AKAP7: variants seen among roughly 807,000 people sequenced by gnomAD.
AKAP7 encodes the protein A kinase (PRKA) anchor protein 7.
AKAP7 carries 39 observed loss-of-function variants against 39.5 expected under a neutral mutation model. The observed-to-expected ratio is 0.99, with a 90% CI of 0.76 to 1.29. AKAP7 has a LOEUF of 1.29. Among genes scored for constraint, AKAP7 ranks in the 50% most tolerant of loss-of-function variants. The pLI, the probability that AKAP7 is intolerant of heterozygous loss-of-function variation, is 0.00. For synonymous variants in AKAP7, 140 were observed against 139.1 expected, an observed-to-expected ratio of 1.01 and a Z score of -0.05; for missense variants, 414 against 407.7, an observed-to-expected ratio of 1.02 and a Z score of -0.13.
At chr6:131,251,545 T>G (rs1221358356) in intron 7 of AKAP7, among the ~76,000 whole-genome samples, 1 of 148,022 alleles carries the variant, frequency 6.8e-6, no homozygotes, top group Non-Finnish European at 1.5e-5. Context: ...TGCTTGTTCT[T>G]CAGGAAACTA....
At chr6:131,240,294 G>A (rs539199848) in intron 7 of AKAP7, among the ~76,000 whole-genome samples, 3 of 152,348 alleles carry the variant, frequency 2.0e-5, no homozygotes, top group Admixed American at 6.5e-5. Context: ...GTACCCGGCC[G>A]TGTGAGGTGT....
chr6:131,244,299 C>G (rs1811826826), intron 7 of AKAP7, among the ~76,000 whole-genome samples: 1 of 152,188 alleles, frequency 6.6e-6, no homozygotes, highest in African/African-American at 2.4e-5. Flanking sequence ...GGCCCTGGCT[C>G]TCTCACCTAC....
intron 7 of AKAP7, among the ~76,000 whole-genome samples, chr6:131,279,711 T>C (rs116670750): frequency 5.1e-4 from 77 of 152,316 alleles, no homozygotes; most frequent in African/African-American, 1.8e-3. Context: ...AATTCAACCC[T>C]GTCATCTTGC....
At chr6:131,179,217 AG>A (rs1804876197) in intron 5 of AKAP7, among the ~76,000 whole-genome samples, 2 of 151,902 alleles carry the variant, frequency 1.3e-5, no homozygotes, top group African/African-American at 4.8e-5. Context: ...CCTGTTGCCC[AG>A]GCTGGAGTGC....
At chr6:131,244,166 T>C (rs1483417230) in intron 7 of AKAP7, among the ~76,000 whole-genome samples, 4 of 152,124 alleles carry the variant, frequency 2.6e-5, no homozygotes, top group Non-Finnish European at 4.4e-5. Flanking sequence ...TTATTGGCCT[T>C]TGTTCTCCTG....
At chr6:131,139,852 T>C (rs1800880037) in intron 1 of AKAP7, among the ~76,000 whole-genome samples, 2 of 152,194 alleles carry the variant, frequency 1.3e-5, no homozygotes, top group Non-Finnish European at 2.9e-5. Context: ...CCTGGTTTGG[T>C]GAATTGTATG....
At chr6:131,134,762 C>T (rs534486421), upstream of AKAP7, among the ~76,000 whole-genome samples, 6 of 152,316 alleles carry the variant, frequency 3.9e-5, no homozygotes, top group Admixed American at 6.5e-5. Context: ...TCTTCCATCC[C>T]TATTCTACGA....
chr6:131,138,591 C>T (rs1405867337), intron 1 of AKAP7, among the ~76,000 whole-genome samples: 1 of 152,184 alleles, frequency 6.6e-6, no homozygotes, highest in Non-Finnish European at 1.5e-5. Flanking sequence ...AGGATTGCCT[C>T]CGTTTACATT....
chr6:131,174,106 A>G (rs1804344279), intron 5 of AKAP7, among the ~76,000 whole-genome samples: 1 of 152,264 alleles, frequency 6.6e-6, no homozygotes, highest in Non-Finnish European at 1.5e-5. Flanking sequence ...TCAACAAAAC[A>G]TTATAAAAAA....
At chr6:131,239,526 C>T (rs1352295747) in intron 7 of AKAP7, among the ~76,000 whole-genome samples, 4 of 152,272 alleles carry the variant, frequency 2.6e-5, no homozygotes, top group East Asian at 1.9e-4. Context: ...CCATTCTCCC[C>T]GTCACTTTCA....
intron 4 of AKAP7, among the ~76,000 whole-genome samples, chr6:131,168,793 A>G (rs1203807650): frequency 6.6e-6 from 1 of 152,150 alleles, no homozygotes; most frequent in Admixed American, 6.5e-5. Context: ...TTTTTGGGAT[A>G]TATTTTCAGT....
chr6:131,203,933 C>A (rs938047056), intron 6 of AKAP7, among the ~76,000 whole-genome samples: 14 of 152,088 alleles, frequency 9.2e-5, no homozygotes, highest in Non-Finnish European at 2.1e-4. Context: ...AAGTGGAATT[C>A]TAAGAGCAGA....
chr6:131,129,203 C>G, the AKAP7 span, among the ~76,000 whole-genome samples: 5 of 149,850 alleles, frequency 3.3e-5, no homozygotes, highest in African/African-American at 1.2e-4. Flanking sequence ...AGGAGAATTG[C>G]TTGAACCCGA....
At chr6:131,188,975 A>G (rs756066480) in intron 5 of AKAP7, among the ~76,000 whole-genome samples, 1 of 152,152 alleles carries the variant, frequency 6.6e-6, no homozygotes, top group Non-Finnish European at 1.5e-5. Flanking sequence ...AATGAATTGA[A>G]TACATTTAAC....
In AKAP7 at chr6:131,242,027, T is replaced by A. The variant is rs929399296; in HGVS notation, c.850+22219T>A. 42 of 971,516 alleles carry A rather than the reference T, an allele frequency of 4.3e-5. No homozygotes were observed. The African/African-American group carries it at 5.3e-4, about 12-fold the overall frequency. The allele number at this position is 971,516 out of a possible 1,614,324, so 60.2% of individuals were successfully genotyped here. A position where few individuals can be genotyped will look rare whatever the true frequency, so the allele number is the denominator to read the frequency against. On this transcript the variant is annotated intron_variant, in intron 7 of 7. Coordinates refer to ENST00000431975, the MANE Select transcript of AKAP7 (RefSeq NM_016377.4). ...TATGAAGTTTAAATTCTGTCTTTTT[T>A]AATTAACCCACAGGGATCCTTTGAT...
chr6:131,232,505 T>C (rs1296149107), intron 7 of AKAP7, among the ~76,000 whole-genome samples: 1 of 152,176 alleles, frequency 6.6e-6, no homozygotes, highest in Non-Finnish European at 1.5e-5. Context: ...TTAAAAGTGC[T>C]TACCACAGTG....
chr6:131,193,763 A>G (rs909329887), intron 5 of AKAP7, among the ~76,000 whole-genome samples: 30 of 152,036 alleles, frequency 2.0e-4, no homozygotes, highest in African/African-American at 6.5e-4. Context: ...GGATTTCTTC[A>G]TGGTTCAATC....
At chr6:131,267,236 C>A (rs182994913) in intron 7 of AKAP7, among the ~76,000 whole-genome samples, 5 of 151,888 alleles carry the variant, frequency 3.3e-5, no homozygotes, top group Middle Eastern at 3.4e-3. Flanking sequence ...CATTTTAGGC[C>A]CTCTCACTAA....
chr6:131,141,054 G>A (rs1006626098), intron 1 of AKAP7, among the ~76,000 whole-genome samples: 13 of 152,042 alleles, frequency 8.6e-5, no homozygotes, highest in South Asian at 2.1e-4. Flanking sequence ...TACTATTAGG[G>A]TTTTTTGGCA....
Sources: allele counts gnomAD v4.1 joint callset (sites outside exome capture counted in the v4.1 genomes callset), GRCh38; gene constraint gnomAD v4.1.1; transcripts MANE v1.5; gene names NCBI Gene and HGNC (gene_info 2026-07-23, HGNC 2026-07-21).